Variants in PLCL2 observed in about 807,000 individuals in gnomAD.
PLCL2 encodes phospholipase C like 2.
PLCL2 carries 4 observed loss-of-function variants against 79.6 expected under a neutral mutation model. That is an observed-to-expected ratio of 0.05 (90% confidence interval 0.02 to 0.11). The LOEUF is 0.11. Among genes scored for constraint, PLCL2 ranks in the 10% least tolerant of loss-of-function variants. The probability of loss-of-function intolerance (pLI) is 1.00; values close to 1 mark genes in which losing one functional copy is unlikely to be tolerated. For missense variants in PLCL2, 895 were observed against 1,291.0 expected (o/e 0.69, Z 4.70); for synonymous variants, 484 against 457.7 (o/e 1.06, Z -0.73).
chr3:16,980,320 A>ACG, intron 1 of PLCL2, among the ~76,000 whole-genome samples: 1 of 143,332 alleles, frequency 7.0e-6, no homozygotes, highest in African/African-American at 2.6e-5. Context: ...CCGGGCGGAG[A>ACG]CGCTCCTCAC....
At chr3:16,889,207 A>G (rs937020458) in intron 1 of PLCL2, among the ~76,000 whole-genome samples, 2 of 152,190 alleles carry the variant, frequency 1.3e-5, no homozygotes, top group African/African-American at 4.8e-5. Context: ...CCACAGAGAC[A>G]GGAGGAAATC....
chr3:16,943,029 A>T (rs1395181746), intron 1 of PLCL2, among the ~76,000 whole-genome samples: 1 of 152,240 alleles, frequency 6.6e-6, no homozygotes. Context: ...GTGATGCTAC[A>T]ACTACATTCT....
At chr3:16,990,255 T>C (rs556691660) in intron 1 of PLCL2, among the ~76,000 whole-genome samples, 16 of 152,308 alleles carry the variant, frequency 1.1e-4, no homozygotes, top group Admixed American at 8.5e-4. Flanking sequence ...GATACAGTAC[T>C]ATTATTGTAG....
chr3:17,021,087 A>C (rs913531708), intron 3 of PLCL2, among the ~76,000 whole-genome samples: 2 of 152,148 alleles, frequency 1.3e-5, no homozygotes, highest in Non-Finnish European at 2.9e-5. Context: ...TGTCGACACT[A>C]CCAACTTTTA....
At chr3:16,966,644 C>T (rs921721964) in intron 1 of PLCL2, among the ~76,000 whole-genome samples, 78 of 152,004 alleles carry the variant, frequency 5.1e-4, no homozygotes, top group Middle Eastern at 3.4e-3. Flanking sequence ...CCTTCTGGTC[C>T]TGGACTTTTT....
chr3:17,055,262 T>C (rs1227886898), intron 4 of PLCL2, among the ~76,000 whole-genome samples: 1 of 152,196 alleles, frequency 6.6e-6, no homozygotes, highest in African/African-American at 2.4e-5. Context: ...CATCTTCTTT[T>C]AGGCATTTAC....
At chr3:16,895,127 CAT>C (rs747612147) in intron 1 of PLCL2, among the ~76,000 whole-genome samples, 14 of 144,308 alleles carry the variant, frequency 9.7e-5, no homozygotes, top group Admixed American at 2.1e-4. Context: ...TATGTTGAAA[CAT>C]GTATCTATAT....
intron 5 of PLCL2, among the ~76,000 whole-genome samples, chr3:17,086,943 CAAT>C (rs2065225985): frequency 6.6e-6 from 1 of 152,156 alleles, no homozygotes; most frequent in African/African-American, 2.4e-5. Context: ...ATTAAAACAA[CAAT>C]GAGATACCAA....
intron 1 of PLCL2, among the ~76,000 whole-genome samples, chr3:16,945,082 C>T (rs149547154): frequency 9.1e-4 from 138 of 152,254 alleles, no homozygotes; most frequent in Non-Finnish European, 1.6e-3. Flanking sequence ...TTTTAAAGCA[C>T]ACATTGCTGT....
intron 1 of PLCL2, among the ~76,000 whole-genome samples, chr3:16,977,304 A>G (rs558271225): frequency 2.6e-5 from 4 of 152,148 alleles, no homozygotes; most frequent in Non-Finnish European, 5.9e-5. Flanking sequence ...TGGCATTCAT[A>G]GTTCCTGTGA....
chr3:17,066,763 A>G (rs1488701485), intron 4 of PLCL2, among the ~76,000 whole-genome samples: 2 of 152,234 alleles, frequency 1.3e-5, no homozygotes, highest in Non-Finnish European at 1.5e-5. Context: ...ATTGTGTGAG[A>G]AAAAGAAAGA....
intron 1 of PLCL2, among the ~76,000 whole-genome samples, chr3:16,971,928 C>T (rs994017256): frequency 3.3e-5 from 5 of 152,192 alleles, no homozygotes; most frequent in African/African-American, 1.2e-4. Context: ...AAGACAAAAA[C>T]CACATGATTA....
rs1300122203 is a variant in PLCL2 at position 16,887,131 on chromosome 3, A to C, written c.327+1765A>C. ...ACTTGTCAATAGATACCATTTCTTA[A>C]TTGAAGGCTCTAGAAGCACATGGGG... On this transcript the variant is annotated intron_variant, in intron 1 of 5. Transcript: ENST00000615277. This position sits in a 1 kb window ranked among gnomAD's most constrained non-coding sequence, Gnocchi z 4.1. Among the ~76,000 whole-genome samples, 9 of 152,218 alleles carry C rather than the reference A, an allele frequency of 5.9e-5. No individual in the cohort carries two copies.
At chr3:16,948,114 A>G (rs1349229459) in intron 1 of PLCL2, among the ~76,000 whole-genome samples, 1 of 152,252 alleles carries the variant, frequency 6.6e-6, no homozygotes, top group Non-Finnish European at 1.5e-5. Flanking sequence ...AAAGCAGCCC[A>G]AATATTCATC....
chr3:16,892,661 A>C (rs912501194), intron 1 of PLCL2, among the ~76,000 whole-genome samples: 1 of 152,176 alleles, frequency 6.6e-6, no homozygotes, highest in Admixed American at 6.5e-5. Context: ...ATTCCTCAGC[A>C]TGTTTTGTCA....
At chr3:16,973,559 A>G (rs1285119094) in intron 1 of PLCL2, among the ~76,000 whole-genome samples, 1 of 152,196 alleles carries the variant, frequency 6.6e-6, no homozygotes, top group African/African-American at 2.4e-5. Context: ...TTAAGATAGT[A>G]AAGTGGAAAA....
intron 5 of PLCL2, among the ~76,000 whole-genome samples, chr3:17,077,785 A>G (rs1041159889): frequency 2.6e-5 from 4 of 152,198 alleles, no homozygotes; most frequent in Non-Finnish European, 5.9e-5. Flanking sequence ...CATGAGAGGG[A>G]CAGGGACCTC....
chr3:17,010,813 C>G lies in PLCL2; in HGVS notation c.1467C>G (p.Thr489=). 1.2e-6 allele frequency: 2 copies of G among 1,614,162 alleles called. No homozygotes were observed. The highest frequency in any genetic ancestry group is 3.3e-5 in the Admixed American group (2 of 60,022). Residue 489 remains threonine, a synonymous_variant, in exon 2 of 6, where the codon ACC becomes ACG. Coordinates refer to ENST00000615277, the MANE Select transcript of PLCL2 (RefSeq NM_001144382.2). This position sits in a 1 kb window ranked among gnomAD's most constrained non-coding sequence, Gnocchi z 5.8. ...DNEPVIYTGH[T]MTSQIVFRSV... ...AACCTGTAATTTACACAGGCCACACCATGACCTCTCAGATAGTTTTCCGCA... is the reference window on the plus strand; with the variant it reads ...AACCTGTAATTTACACAGGCCACACGATGACCTCTCAGATAGTTTTCCGCA...
chr3:17,011,013 C>CA lies in PLCL2; in HGVS notation c.1668dup (p.Ser557IlefsTer12). On this transcript the variant is annotated frameshift_variant, in exon 2 of 6. Transcript: ENST00000615277. LOFTEE classifies it high-confidence loss of function. This position sits in a 1 kb window ranked among gnomAD's most constrained non-coding sequence, Gnocchi z 7.9. ...CCCAATGTTGAGGAATCTTATCTAC[C>CA]ATCCCCAGATGTCCTGAAAGGGAAA... 6.2e-7 allele frequency: 1 copy of CA among 1,613,906 alleles called. No individual in the cohort carries two copies. Among genetic ancestry groups the CA allele is most frequent in the African/African-American group, 1.3e-5 (1 of 75,040 alleles).
Sources: gnomAD v4.1 joint callset for allele counts (sites outside exome capture counted in the v4.1 genomes callset) on GRCh38, gnomAD v4.1.1 for gene constraint, Gnocchi (gnomAD v3.1) non-coding constraint, MANE v1.5 for transcripts, NCBI Gene and HGNC (gene_info 2026-07-23, HGNC 2026-07-21) for gene names.